Variants in SEMA5A observed in about 807,000 individuals in gnomAD.
The protein encoded by SEMA5A is semaphorin 5A, also known as semaphorin-5A.
SEMA5A carries 55 observed loss-of-function variants against 135.5 expected under a neutral mutation model. The observed-to-expected ratio is 0.41, with a 90% CI of 0.33 to 0.51. The LOEUF (loss-of-function observed/expected upper bound fraction) is 0.51, where lower values mean the gene tolerates loss of function less well. SEMA5A is among the 20% of genes least tolerant of loss of function. The pLI is 0.37. For synonymous variants in SEMA5A, 580 were observed against 546.5 expected (o/e 1.06, Z -0.85); for missense variants, 1,290 against 1,419.9 (o/e 0.91, Z 1.47).
intron 17 of SEMA5A, among the ~76,000 whole-genome samples, chr5:9,066,117 T>TGAGAGAGGAC (rs1737448990): frequency 6.6e-6 from 1 of 152,242 alleles, no homozygotes; most frequent in African/African-American, 2.4e-5. Context: ...TCAGTGATGC[T>TGAGAGAGGAC]TCCCCAGTAC....
intron 3 of SEMA5A, among the ~76,000 whole-genome samples, chr5:9,362,072 C>T (rs942542792): frequency 6.6e-6 from 1 of 152,194 alleles, no homozygotes; most frequent in African/African-American, 2.4e-5. Flanking sequence ...TGTCCACCCA[C>T]AGCCATCTTC....
At chr5:9,150,177 T>C (rs1259846803) in intron 12 of SEMA5A, among the ~76,000 whole-genome samples, 1 of 152,178 alleles carries the variant, frequency 6.6e-6, no homozygotes, top group Admixed American at 6.5e-5. Flanking sequence ...TACTCGACCA[T>C]GAGCCAGGTG....
rs560186776 is a variant in SEMA5A at position 9,394,911 on chromosome 5, T to G, written c.-77-14888A>C. On this transcript the variant is annotated intron_variant, in intron 2 of 22. Coordinates refer to ENST00000382496, the MANE Select transcript of SEMA5A (RefSeq NM_003966.3). ...AAAAAAATAAAGTGCAGACATTTAT[T>G]TATCTATAGATTAAAAATAGAGAAG... is the stretch of plus-strand genomic sequence containing the variant. Among the ~76,000 whole-genome samples the G allele has an allele frequency of 2.0e-5, 3 of 152,308 alleles. No homozygotes were observed. In the South Asian group the frequency reaches 6.2e-4, roughly 32 times the overall value.
At chr5:9,468,153 G>A (rs777970955) in intron 1 of SEMA5A, among the ~76,000 whole-genome samples, 31 of 152,154 alleles carry the variant, frequency 2.0e-4, no homozygotes, top group Admixed American at 3.9e-4. Context: ...GGGAGGGCCC[G>A]GGAAAGAGAC....
intron 1 of SEMA5A, among the ~76,000 whole-genome samples, chr5:9,444,020 C>T (rs181943412): frequency 6.5e-4 from 99 of 152,318 alleles, no homozygotes; most frequent in African/African-American, 2.3e-3. Context: ...AGAGGCTGAT[C>T]CATGGAGCAA....
intron 21 of SEMA5A, among the ~76,000 whole-genome samples, chr5:9,048,141 C>CT (rs1375368318): frequency 2.6e-5 from 4 of 152,326 alleles, no homozygotes; most frequent in Middle Eastern, 3.4e-3. Context: ...GCAGACAGTC[C>CT]TGGACCCTGG....
chr5:9,122,967 GA>G, intron 13 of SEMA5A, 130 bp from the exon 14 acceptor site: 2 of 857,742 alleles, frequency 2.3e-6, no homozygotes, highest in Non-Finnish European at 3.4e-6. Flanking sequence ...GCTGCAGTTA[GA>G]AAAAGGGCCA....
At chr5:9,164,808 A>C (rs1466763500) in intron 11 of SEMA5A, among the ~76,000 whole-genome samples, 1 of 152,122 alleles carries the variant, frequency 6.6e-6, no homozygotes, top group East Asian at 1.9e-4. Flanking sequence ...TTTCTTTTTG[A>C]AGGATTTCTA....
At chr5:9,159,932 C>T (rs1201203068) in intron 11 of SEMA5A, among the ~76,000 whole-genome samples, 1 of 152,074 alleles carries the variant, frequency 6.6e-6, no homozygotes, top group Non-Finnish European at 1.5e-5. Context: ...AGACATCATC[C>T]TCAGCAAGCT....
rs137935121 is a variant in SEMA5A at position 9,210,786 on chromosome 5, T to C, written c.647-8546A>G. ...GGATAATGCAATCTCCCTTAAGAGG[T>C]TGTAAGAAGGATGGCAGATGACATG... On this transcript the variant is annotated intron_variant, in intron 8 of 22. Transcript: ENST00000382496. Among the ~76,000 whole-genome samples the C allele has an allele frequency of 7.6e-3, 1,151 of 152,084 alleles. 14 individuals are homozygous for C. Among genetic ancestry groups the C allele is most frequent in the African/African-American group, 0.026 (1,097 of 41,490 alleles).
At chr5:9,110,865 G>A (rs567722847) in intron 15 of SEMA5A, among the ~76,000 whole-genome samples, 1 of 152,178 alleles carries the variant, frequency 6.6e-6, no homozygotes, top group Non-Finnish European at 1.5e-5. Flanking sequence ...CAGAGCTCAG[G>A]GCCACTGGAC....
intron 16 of SEMA5A, among the ~76,000 whole-genome samples, chr5:9,067,546 T>C (rs11955416): frequency 0.018 from 2,792 of 151,398 alleles, 94 homozygotes; most frequent in African/African-American, 0.064. Context: ...GTTTTATTAA[T>C]AAAATAAGAA....
chr5:9,424,598 C>A (rs958718848), intron 2 of SEMA5A, among the ~76,000 whole-genome samples: 1 of 152,144 alleles, frequency 6.6e-6, no homozygotes, highest in Non-Finnish European at 1.5e-5. Flanking sequence ...GAAATGAAAG[C>A]CTTCAACTCA....
intron 12 of SEMA5A, among the ~76,000 whole-genome samples, chr5:9,149,835 T>C (rs1560963655): frequency 6.6e-6 from 1 of 152,180 alleles, no homozygotes; most frequent in Non-Finnish European, 1.5e-5. Context: ...GTCCTGTGGC[T>C]GCTCTTTTCC....
At chr5:9,412,308 T>C (rs980227694) in intron 2 of SEMA5A, among the ~76,000 whole-genome samples, 4 of 151,878 alleles carry the variant, frequency 2.6e-5, no homozygotes, top group Non-Finnish European at 4.4e-5. Flanking sequence ...CGAAAATTAA[T>C]TGTATAAAAA....
chr5:9,457,668 G>A (rs1458960644), intron 1 of SEMA5A, among the ~76,000 whole-genome samples: 2 of 152,180 alleles, frequency 1.3e-5, no homozygotes, highest in South Asian at 2.1e-4. Flanking sequence ...GGACTAACAA[G>A]TCTAGTTGTC....
intron 8 of SEMA5A, among the ~76,000 whole-genome samples, chr5:9,208,086 TAAC>T (rs1008105119): frequency 6.6e-5 from 10 of 152,218 alleles, no homozygotes; most frequent in Non-Finnish European, 1.3e-4. Context: ...TGTTTTTGAA[TAAC>T]AACAACATCC....
chr5:9,193,875 C>A (rs1745245866), intron 10 of SEMA5A, among the ~76,000 whole-genome samples: 2 of 152,150 alleles, frequency 1.3e-5, no homozygotes, highest in Non-Finnish European at 2.9e-5. Flanking sequence ...CCAGCCTGGG[C>A]AACAGAGCAA....
chr5:9,236,731 C>A (rs1330570942), intron 6 of SEMA5A, among the ~76,000 whole-genome samples: 1 of 152,096 alleles, frequency 6.6e-6, no homozygotes, highest in East Asian at 1.9e-4. Context: ...TTCATCAATT[C>A]CTGCTTTATT....
Sources: allele counts gnomAD v4.1 joint callset (sites outside exome capture counted in the v4.1 genomes callset), GRCh38; gene constraint gnomAD v4.1.1; transcripts MANE v1.5; gene names NCBI Gene and HGNC (gene_info 2026-07-23, HGNC 2026-07-21).